GPC5: variants seen among roughly 807,000 people sequenced by gnomAD.
The protein encoded by GPC5 is glypican-5.
GPC5 carries 47 observed loss-of-function variants against 53.9 expected under a neutral mutation model. That is an observed-to-expected ratio of 0.87 (90% CI 0.69 to 1.11). GPC5 has a LOEUF of 1.11. GPC5 is among the 50% of genes most tolerant of loss of function. The pLI is 0.00. For missense variants in GPC5, 748 were observed against 713.1 expected (o/e 1.05, Z -0.56); for synonymous variants, 286 against 263.3 (o/e 1.09, Z -0.84).
intron 7 of GPC5, among the ~76,000 whole-genome samples, chr13:92,818,958 C>T (rs536557214): frequency 6.6e-6 from 1 of 152,072 alleles, no homozygotes; most frequent in African/African-American, 2.4e-5. Flanking sequence ...TTTGGACTGT[C>T]TTCCCTGTTG....
intron 7 of GPC5, among the ~76,000 whole-genome samples, chr13:92,331,105 A>G (rs1397996880): frequency 6.6e-6 from 1 of 152,156 alleles, no homozygotes; most frequent in Non-Finnish European, 1.5e-5. Flanking sequence ...GGATCGGTAC[A>G]TGTCGAATCT....
intron 6 of GPC5, among the ~76,000 whole-genome samples, chr13:91,943,470 T>A (rs1347876697): frequency 6.6e-6 from 1 of 152,150 alleles, no homozygotes; most frequent in Non-Finnish European, 1.5e-5. Context: ...GTACTGTATG[T>A]GCTTTGTATA....
At chr13:91,712,797 T>A (rs570208947) in intron 3 of GPC5, among the ~76,000 whole-genome samples, 2 of 152,198 alleles carry the variant, frequency 1.3e-5, no homozygotes, top group African/African-American at 4.8e-5. Flanking sequence ...AGGACACTCC[T>A]GGCCATAGTT....
At chr13:92,317,771 G>C (rs1474678691) in intron 7 of GPC5, among the ~76,000 whole-genome samples, 1 of 152,146 alleles carries the variant, frequency 6.6e-6, no homozygotes, top group Non-Finnish European at 1.5e-5. Context: ...ATAGTGCTGG[G>C]ATTACAGGCA....
At chr13:91,710,049 A>T (rs887037689) in intron 3 of GPC5, among the ~76,000 whole-genome samples, 6 of 152,164 alleles carry the variant, frequency 3.9e-5, no homozygotes, top group African/African-American at 1.4e-4. Flanking sequence ...TACATGCAGT[A>T]CTTCAGCCAT....
chr13:92,491,020 A>G (rs1351815552), intron 7 of GPC5, among the ~76,000 whole-genome samples: 1 of 152,130 alleles, frequency 6.6e-6, no homozygotes, highest in Non-Finnish European at 1.5e-5. Flanking sequence ...AGAAGGACTC[A>G]GATGGTCTCG....
At chr13:92,105,131 T>G (rs1380212742) in intron 6 of GPC5, among the ~76,000 whole-genome samples, 1 of 152,066 alleles carries the variant, frequency 6.6e-6, no homozygotes, top group Non-Finnish European at 1.5e-5. Flanking sequence ...AAATGATCAT[T>G]AAAATAATTC....
At chr13:92,245,085 T>A (rs1412501763) in intron 7 of GPC5, among the ~76,000 whole-genome samples, 1 of 151,776 alleles carries the variant, frequency 6.6e-6, no homozygotes, top group Non-Finnish European at 1.5e-5. Flanking sequence ...TTAAATGTTC[T>A]CAGGCACTCT....
intron 7 of GPC5, among the ~76,000 whole-genome samples, chr13:92,831,214 G>C (rs1303531270): frequency 6.6e-6 from 1 of 152,028 alleles, no homozygotes; most frequent in East Asian, 1.9e-4. Flanking sequence ...CCTGTATTAG[G>C]TGTGCAGATT....
intron 7 of GPC5, among the ~76,000 whole-genome samples, chr13:92,257,501 G>A (rs896449382): frequency 2.1e-5 from 3 of 142,828 alleles, no homozygotes; most frequent in Non-Finnish European, 4.5e-5. Flanking sequence ...CACTTAGCAT[G>A]TAGTTATAAC....
At chr13:92,008,374 T>C (rs1159161115) in intron 6 of GPC5, among the ~76,000 whole-genome samples, 1 of 152,174 alleles carries the variant, frequency 6.6e-6, no homozygotes, top group Non-Finnish European at 1.5e-5. Context: ...AAATGTTTTA[T>C]ATTTACCTAC....
At chr13:92,144,475 C>T (rs2041852263) in intron 6 of GPC5, among the ~76,000 whole-genome samples, 1 of 152,160 alleles carries the variant, frequency 6.6e-6, no homozygotes, top group African/African-American at 2.4e-5. Flanking sequence ...CAATATACTA[C>T]AGAGGGAGTA....
chr13:91,775,395 C>A (rs1342270446), intron 5 of GPC5, among the ~76,000 whole-genome samples: 1 of 152,098 alleles, frequency 6.6e-6, no homozygotes, highest in African/African-American at 2.4e-5. Flanking sequence ...ATAACAGATT[C>A]CTAACCTATC....
At chr13:91,728,726 G>C in intron 4 of GPC5, 61 bp downstream of exon 4, 1 of 1,471,086 alleles carries the variant, frequency 6.8e-7, no homozygotes, top group Non-Finnish European at 9.2e-7. Flanking sequence ...TTTTACAACA[G>C]AATAGAACAT....
At chr13:91,449,758 A>G (rs538354808) in intron 2 of GPC5, among the ~76,000 whole-genome samples, 13 of 152,320 alleles carry the variant, frequency 8.5e-5, no homozygotes, top group South Asian at 2.1e-4. Flanking sequence ...TACAAGGCAC[A>G]CTGAAAAATA....
At chr13:91,717,837 G>A (rs758531134) in intron 3 of GPC5, among the ~76,000 whole-genome samples, 2 of 151,974 alleles carry the variant, frequency 1.3e-5, no homozygotes, top group African/African-American at 2.4e-5. Flanking sequence ...TTACAGGCGT[G>A]AGCCACCGCG....
At chr13:92,699,217 A>G (rs1408283959) in intron 7 of GPC5, among the ~76,000 whole-genome samples, 1 of 152,060 alleles carries the variant, frequency 6.6e-6, no homozygotes, top group Non-Finnish European at 1.5e-5. Flanking sequence ...ATTTGCATAG[A>G]AGTGTTTATA....
At chr13:92,740,617 C>A (rs1889056594) in intron 7 of GPC5, among the ~76,000 whole-genome samples, 1 of 151,900 alleles carries the variant, frequency 6.6e-6, no homozygotes, top group South Asian at 2.1e-4. Flanking sequence ...TGTAATAGTG[C>A]TAAAATGGCT....
At chr13:92,195,903 G>A (rs1450554494) in intron 7 of GPC5, among the ~76,000 whole-genome samples, 3 of 152,042 alleles carry the variant, frequency 2.0e-5, no homozygotes, top group African/African-American at 2.4e-5. Flanking sequence ...ACTCAGAAGG[G>A]GGCTCTGAGA....
Sources: gnomAD v4.1 joint callset for allele counts (sites outside exome capture counted in the v4.1 genomes callset) on GRCh38, gnomAD v4.1.1 for gene constraint, MANE v1.5 for transcripts, NCBI Gene and HGNC (gene_info 2026-07-23, HGNC 2026-07-21) for gene names.